APBA2: variants seen among roughly 807,000 people sequenced by gnomAD.
APBA2 encodes the protein amyloid-beta A4 precursor protein-binding family A member 2.
A neutral mutation model predicts 75.0 loss-of-function variants in APBA2; 30 were observed. That is an observed-to-expected ratio of 0.40 (90% CI 0.30 to 0.54). The LOEUF (loss-of-function observed/expected upper bound fraction) is 0.54. APBA2 is among the 20% of genes least tolerant of loss of function. APBA2 has a pLI of 0.49. For synonymous variants in APBA2, 444 were observed against 409.6 expected (o/e 1.08, Z -1.01); for missense variants, 801 against 1,016.1 (o/e 0.79, Z 2.88).
At chr15:28,938,705 C>T (rs2035019541) in intron 2 of APBA2, among the ~76,000 whole-genome samples, 1 of 152,170 alleles carries the variant, frequency 6.6e-6, no homozygotes. Flanking sequence ...GATGGGGTTT[C>T]ACCACATTGT....
intron 1 of APBA2, among the ~76,000 whole-genome samples, chr15:28,890,049 C>T (rs867082927): frequency 1.3e-5 from 2 of 148,708 alleles, no homozygotes; most frequent in Admixed American, 6.8e-5. Flanking sequence ...GAACGAAACA[C>T]GGGAGCAGTA....
chr15:28,906,996 A>C (rs1279906572), intron 1 of APBA2, among the ~76,000 whole-genome samples: 7 of 152,276 alleles, frequency 4.6e-5, no homozygotes, highest in Admixed American at 2.6e-4. Context: ...GAAGTTTTAC[A>C]TTGTTAAATC....
At chr15:29,056,640 T>TC in intron 4 of APBA2, among the ~76,000 whole-genome samples, 3 of 107,268 alleles carry the variant, frequency 2.8e-5, no homozygotes, top group African/African-American at 1.2e-4. Flanking sequence ...CTCCCTCCTC[T>TC]CTCTCTCTCT....
chr15:29,048,967 T>C (rs962534723), intron 3 of APBA2, among the ~76,000 whole-genome samples: 14 of 151,580 alleles, frequency 9.2e-5, no homozygotes, highest in Non-Finnish European at 2.1e-4. Context: ...GAATTTAGTG[T>C]ATGACACGCA....
At chr15:28,939,595 G>T (rs1446759430) in intron 2 of APBA2, among the ~76,000 whole-genome samples, 2 of 152,124 alleles carry the variant, frequency 1.3e-5, no homozygotes, top group Non-Finnish European at 2.9e-5. Flanking sequence ...AAGCGTGATA[G>T]CAGGAATTTG....
chr15:28,999,907 G>A (rs1595692835), intron 3 of APBA2, among the ~76,000 whole-genome samples: 1 of 152,206 alleles, frequency 6.6e-6, no homozygotes, highest in Admixed American at 6.5e-5. Context: ...GAGAACTGGT[G>A]CAGATTCCAG....
At chr15:29,089,097 C>G (rs944323019) in intron 6 of APBA2, among the ~76,000 whole-genome samples, 1 of 152,210 alleles carries the variant, frequency 6.6e-6, no homozygotes, top group Non-Finnish European at 1.5e-5. Flanking sequence ...TGAGCATTCA[C>G]CATGGCCCAT....
intron 2 of APBA2, among the ~76,000 whole-genome samples, chr15:28,960,859 A>G (rs2152737627): frequency 6.6e-6 from 1 of 151,530 alleles, no homozygotes; most frequent in East Asian, 2.0e-4. Context: ...TCCCAGGTTC[A>G]AATGATTCTC....
chr15:28,914,650 C>T lies in APBA2; in HGVS notation c.-204-6990C>T, dbSNP rs1182544812. Among the ~76,000 whole-genome samples the T allele has an allele frequency of 4.0e-3, 611 of 152,112 alleles. 4 individuals carry two copies. Among genetic ancestry groups the T allele is most frequent in the African/African-American group, 0.014 (582 of 41,446 alleles). On this transcript the variant is annotated intron_variant, in intron 1 of 14. Coordinates refer to ENST00000683413, the MANE Select transcript of APBA2 (RefSeq NM_001353788.2). Reference sequence around the variant, plus strand: ...CTGGTCCTGCCCGCGCACCCCGGACCTCCCCTGCCCAGGAAAAGTTACAGA... The same window carrying T: ...CTGGTCCTGCCCGCGCACCCCGGACTTCCCCTGCCCAGGAAAAGTTACAGA...
rs571469493 is a variant in APBA2 at position 29,117,583 on chromosome 15, C to CCAAA, written c.*453_*456dup. The CCAAA allele has an allele frequency of 7.8e-4, 146 of 186,940 alleles. No homozygotes were observed. The highest frequency in any genetic ancestry group is 3.2e-3 in the South Asian group (27 of 8,494). The allele number at this position is 186,940 out of a possible 1,614,324, so 11.6% of individuals were successfully genotyped here. On this transcript the variant is annotated 3_prime_UTR_variant, in exon 15 of 15. Coordinates refer to ENST00000683413, the MANE Select transcript of APBA2 (RefSeq NM_001353788.2). ...GTCCTGTGGGGCCCCCACAATGGTC[C>CCAAA]CAAACAGCTGCCTCTGCCACTGACT...
At chr15:28,956,769 T>C (rs527796643) in intron 2 of APBA2, among the ~76,000 whole-genome samples, 22 of 152,314 alleles carry the variant, frequency 1.4e-4, no homozygotes, top group Non-Finnish European at 2.6e-4. Flanking sequence ...CATTGTACTT[T>C]CTGTCTATGA....
Position 29,105,344 on chromosome 15 carries a change from C to T in APBA2, c.1525-35C>T, listed in dbSNP as rs373575173. Reference sequence around the variant, plus strand: ...AGGAGGCTGCGGGGAGCCTGTGCCACGTGCCTGTCTCCAGCTGGCCTGCCC... The same window carrying T: ...AGGAGGCTGCGGGGAGCCTGTGCCATGTGCCTGTCTCCAGCTGGCCTGCCC... On this transcript the variant is annotated intron_variant, in intron 10 of 14. Transcript: ENST00000683413. 122 of 1,599,770 alleles carry T rather than the reference C, an allele frequency of 7.6e-5. No individual in the cohort carries two copies. The East Asian group carries it at 2.3e-3, about 30-fold the overall frequency.
chr15:29,013,930 A>G (rs1180305714), intron 3 of APBA2, among the ~76,000 whole-genome samples: 5 of 152,220 alleles, frequency 3.3e-5, no homozygotes, highest in Non-Finnish European at 5.9e-5. Context: ...ACCTTTCTCA[A>G]TCAAGCAGGA....
chr15:28,905,734 G>A (rs2033100406), intron 1 of APBA2, among the ~76,000 whole-genome samples: 1 of 152,128 alleles, frequency 6.6e-6, no homozygotes, highest in Non-Finnish European at 1.5e-5. Flanking sequence ...CAATTATCTT[G>A]TATCTCTGGA....
At chr15:29,089,252 A>G (rs989877246) in intron 6 of APBA2, among the ~76,000 whole-genome samples, 8 of 152,222 alleles carry the variant, frequency 5.3e-5, no homozygotes, top group Non-Finnish European at 1.2e-4. Flanking sequence ...GAACTTGGGC[A>G]AAGCCACGTG....
At position 29,116,035 on chromosome 15, in the gene APBA2, AGAG is replaced by A. The variant is rs1384106125; in HGVS notation, c.2179-1023_2179-1021del. On this transcript the variant is annotated intron_variant, in intron 14 of 14. Transcript: ENST00000683413. ...GACAGGGGAGAGCGTCGTGCTCAGGAGAGGAGAAGTGGGCAGTAGAGCTCCCTT... is the reference window on the plus strand; with the variant it reads ...GACAGGGGAGAGCGTCGTGCTCAGGAGAGAAGTGGGCAGTAGAGCTCCCTT... Among the ~76,000 whole-genome samples, 8 of 152,062 alleles carry A rather than the reference AGAG, an allele frequency of 5.3e-5. No individual in the cohort carries two copies. The South Asian group carries it at 6.2e-4, about 12-fold the overall frequency.
intron 12 of APBA2, 89 bp from the exon 13 acceptor site, chr15:29,108,181 G>A (rs143877670): frequency 3.4e-5 from 54 of 1,592,082 alleles, no homozygotes; most frequent in East Asian, 2.7e-4. Flanking sequence ...CACTGCCCCC[G>A]GCCTCCACCA....
At chr15:29,013,942 A>T (rs1359885679) in intron 3 of APBA2, among the ~76,000 whole-genome samples, 1 of 152,244 alleles carries the variant, frequency 6.6e-6, no homozygotes, top group Middle Eastern at 3.2e-3. Context: ...CAAGCAGGAT[A>T]TGTAAGATCT....
intron 2 of APBA2, among the ~76,000 whole-genome samples, chr15:28,979,276 C>G (rs971291960): frequency 6.6e-6 from 1 of 152,222 alleles, no homozygotes; most frequent in African/African-American, 2.4e-5. Flanking sequence ...TTCTGTCCCT[C>G]AAGCCGTATT....
Sources: allele counts gnomAD v4.1 joint callset (sites outside exome capture counted in the v4.1 genomes callset), GRCh38; gene constraint gnomAD v4.1.1; transcripts MANE v1.5; gene names NCBI Gene and HGNC (gene_info 2026-07-23, HGNC 2026-07-21).